The following RANBP2 variants were observed in gnomAD, a reference collection of about 807,000 sequenced individuals.
RANBP2 encodes E3 SUMO-protein ligase RanBP2.
RANBP2 carries 57 observed loss-of-function variants against 303.6 expected under a neutral mutation model. The observed-to-expected ratio is 0.19, with a 90% CI of 0.15 to 0.23. The LOEUF is 0.23. RANBP2 is among the 10% of genes least tolerant of loss of function. The probability of loss-of-function intolerance (pLI) is 1.00; values close to 1 mark genes in which losing one functional copy is unlikely to be tolerated. For missense variants in RANBP2, 3,138 were observed against 3,780.8 expected, an observed-to-expected ratio of 0.83 and a Z score of 4.46; for synonymous variants, 1,167 against 1,301.5, an observed-to-expected ratio of 0.90 and a Z score of 2.23.
the RANBP2 span, among the ~76,000 whole-genome samples, chr2:108,893,873 T>TTGTC: frequency 6.6e-6 from 1 of 152,212 alleles, no homozygotes; most frequent in Non-Finnish European, 1.5e-5. Flanking sequence ...CTAAGAACCA[T>TTGTC]TGTCTTCCTT....
the RANBP2 span, chr2:109,613,660 G>A: frequency 1.8e-6 from 1 of 548,848 alleles, no homozygotes; most frequent in Non-Finnish European, 2.6e-6. Flanking sequence ...CGGAAGCCGG[G>A]GAGCACTGGG....
the RANBP2 span, among the ~76,000 whole-genome samples, chr2:109,266,597 C>A: frequency 8.6e-3 from 1,314 of 152,188 alleles, 22 homozygotes; most frequent in African/African-American, 0.03. Context: ...GTCACCGAGA[C>A]CTTGGAGTGC....
chr2:108,795,781 A>G, the RANBP2 span, among the ~76,000 whole-genome samples: 4 of 152,156 alleles, frequency 2.6e-5, no homozygotes, highest in African/African-American at 9.7e-5. Flanking sequence ...AAAAGCAGTG[A>G]TTGTCCAATT....
the RANBP2 span, among the ~76,000 whole-genome samples, chr2:109,164,434 T>TC: frequency 2.6e-5 from 4 of 152,342 alleles, no homozygotes; most frequent in Non-Finnish European, 4.4e-5. Flanking sequence ...TTCTCCTGCC[T>TC]CAGCTTCCTG....
the RANBP2 span, among the ~76,000 whole-genome samples, chr2:108,937,470 T>G: frequency 6.6e-6 from 1 of 152,118 alleles, no homozygotes; most frequent in Non-Finnish European, 1.5e-5. Flanking sequence ...TGTGTATATG[T>G]GAGTGTGTGC....
the RANBP2 span, among the ~76,000 whole-genome samples, chr2:109,040,624 T>C: frequency 6.6e-6 from 1 of 152,228 alleles, no homozygotes; most frequent in East Asian, 1.9e-4. Context: ...TTTAGTTCTT[T>C]AATTTTCTCA....
At chr2:109,303,617 C>T in the RANBP2 span, among the ~76,000 whole-genome samples, 8 of 152,212 alleles carry the variant, frequency 5.3e-5, no homozygotes, top group African/African-American at 1.9e-4. Flanking sequence ...GCTGGCGAGA[C>T]AAAGTCAGGG....
chr2:109,270,843 G>A, the RANBP2 span, among the ~76,000 whole-genome samples: 2 of 152,244 alleles, frequency 1.3e-5, no homozygotes, highest in Admixed American at 1.3e-4. Context: ...CAGAGCGTTG[G>A]TAGGATGGAG....
the RANBP2 span, among the ~76,000 whole-genome samples, chr2:109,743,063 G>A: frequency 1.4e-5 from 2 of 147,982 alleles, no homozygotes; most frequent in Non-Finnish European, 3.0e-5. Context: ...TTGAGCTCAG[G>A]AGGTCAAGAG....
At chr2:109,452,896 C>G in the RANBP2 span, among the ~76,000 whole-genome samples, 1 of 144,212 alleles carries the variant, frequency 6.9e-6, no homozygotes, top group Non-Finnish European at 1.5e-5. Flanking sequence ...TCCCAGGAGG[C>G]TGGTCCCGGG....
the RANBP2 span, among the ~76,000 whole-genome samples, chr2:109,248,815 T>TTTTCTCTC: frequency 1.3e-5 from 2 of 151,626 alleles, no homozygotes; most frequent in African/African-American, 2.4e-5. Flanking sequence ...TTCTCTTTCG[T>TTTTCTCTC]TTTCTCTCTT....
the RANBP2 span, among the ~76,000 whole-genome samples, chr2:108,833,877 G>A: frequency 3.0e-3 from 431 of 143,112 alleles, 3 homozygotes; most frequent in African/African-American, 0.01. Context: ...ACAGGCGCCC[G>A]CTACCACGCC....
the RANBP2 span, among the ~76,000 whole-genome samples, chr2:109,434,032 A>T: frequency 6.6e-6 from 1 of 152,312 alleles, no homozygotes; most frequent in South Asian, 2.1e-4. Flanking sequence ...TTCCCATGCC[A>T]GTAGGAACAG....
chr2:109,360,323 C>A, the RANBP2 span, among the ~76,000 whole-genome samples: 19 of 152,222 alleles, frequency 1.2e-4, no homozygotes, highest in African/African-American at 4.6e-4. Context: ...GCATATAAAT[C>A]CAGAGTCAGA....
the RANBP2 span, among the ~76,000 whole-genome samples, chr2:109,671,772 T>A: frequency 6.6e-6 from 1 of 152,182 alleles, no homozygotes; most frequent in Admixed American, 6.5e-5. Flanking sequence ...TATCTCACTC[T>A]TAATGAAATT....
the RANBP2 span, among the ~76,000 whole-genome samples, chr2:108,809,353 A>T: frequency 6.6e-6 from 1 of 151,686 alleles, no homozygotes; most frequent in African/African-American, 2.4e-5. Context: ...TCTGTGAAGG[A>T]TGTTGTTGGT....
the RANBP2 span, among the ~76,000 whole-genome samples, chr2:109,472,667 T>G: frequency 2.0e-5 from 3 of 152,212 alleles, no homozygotes; most frequent in Non-Finnish European, 2.9e-5. Context: ...AATAGTGTGT[T>G]TAATTTTTCC....
At position 108,766,349 on chromosome 2, in the gene RANBP2, T is replaced by A. The variant is rs1677120132; in HGVS notation, c.5810T>A (p.Ile1937Asn). ...GGCCAGAAGAATGGCCGTGGTGTGATTTTTGGCCAAACAAGTAGCACTTTT... is the reference window on the plus strand; with the variant it reads ...GGCCAGAAGAATGGCCGTGGTGTGAATTTTGGCCAAACAAGTAGCACTTTT... The part of the protein sequence containing the change: ...ISGQKNGRGV[I>N]FGQTSSTFTF... Residue 1937 changes from isoleucine to asparagine, a missense_variant, in exon 20 of 29, where the codon ATT (isoleucine) becomes AAT (asparagine). Physicochemically the swap from Ile to Asn is moderately radical, Grantham distance 149. Transcript: ENST00000283195. The A allele has an allele frequency of 6.2e-7, 1 of 1,611,846 alleles. No individual in the cohort carries two copies. Among genetic ancestry groups the A allele is most frequent in the South Asian group, 1.1e-5 (1 of 90,998 alleles).
At chr2:109,560,519 C>T in the RANBP2 span, among the ~76,000 whole-genome samples, 2 of 152,310 alleles carry the variant, frequency 1.3e-5, no homozygotes, top group East Asian at 3.9e-4. Flanking sequence ...GCAGTCTTAT[C>T]CCTGGTCACA....
Sources: allele counts gnomAD v4.1 joint callset (sites outside exome capture counted in the v4.1 genomes callset), GRCh38; gene constraint gnomAD v4.1.1; transcripts MANE v1.5; gene names NCBI Gene and HGNC (gene_info 2026-07-23, HGNC 2026-07-21).